Variants in NALCN observed in about 807,000 individuals in gnomAD.
NALCN encodes the protein sodium leak channel, non-selective.
NALCN carries 111 observed loss-of-function variants against 225.3 expected under a neutral mutation model. The ratio of observed to expected loss-of-function variants is 0.49; its 90% CI spans 0.42 to 0.58. The LOEUF is 0.58. Ranked by LOEUF, NALCN falls within the 20% of genes least tolerant of loss-of-function variation. The pLI, the probability that NALCN is intolerant of heterozygous loss-of-function variation, is 0.00. For synonymous variants in NALCN, 764 were observed against 769.0 expected, an observed-to-expected ratio of 0.99 and a Z score of 0.11; for missense variants, 1,378 against 2,202.4, an observed-to-expected ratio of 0.63 and a Z score of 7.49.
At chr13:101,126,401 T>C (rs1013722854) in intron 17 of NALCN, among the ~76,000 whole-genome samples, 65 of 152,194 alleles carry the variant, frequency 4.3e-4, no homozygotes, top group African/African-American at 1.4e-3. Flanking sequence ...TATTTGGAAC[T>C]TCCATTTTCT....
Position 101,386,888 on chromosome 13 carries a change from T to C in NALCN, c.292-8235A>G, listed in dbSNP as rs2047002302. ...GTTTGCTTCTATAAATATTTTCTTA[T>C]GGACTAACATACTTTTATGCATGGA... On this transcript the variant is annotated intron_variant, in intron 3 of 43. Transcript: ENST00000251127. Among the ~76,000 whole-genome samples, 4 of 152,264 alleles carry C rather than the reference T, an allele frequency of 2.6e-5. No individual in the cohort carries two copies. The Middle Eastern group carries it at 0.01, about 388-fold the overall frequency.
At chr13:101,206,094 C>T (rs2040302019) in intron 13 of NALCN, among the ~76,000 whole-genome samples, 2 of 152,062 alleles carry the variant, frequency 1.3e-5, no homozygotes, top group African/African-American at 4.8e-5. Context: ...CTTCTCTTTA[C>T]AAATGTGGAA....
At chr13:101,125,916 A>C (rs2036205432) in intron 17 of NALCN, among the ~76,000 whole-genome samples, 2 of 152,216 alleles carry the variant, frequency 1.3e-5, no homozygotes, top group South Asian at 4.1e-4. Context: ...CCTACAGGGC[A>C]TACTGTGTGT....
At chr13:101,112,644 G>C (rs1185634853) in intron 18 of NALCN, among the ~76,000 whole-genome samples, 1 of 152,174 alleles carries the variant, frequency 6.6e-6, no homozygotes. Context: ...AAAATGCAAT[G>C]ATTTTATGAT....
chr13:101,156,337 G>A (rs976632981), intron 15 of NALCN, among the ~76,000 whole-genome samples: 3 of 151,992 alleles, frequency 2.0e-5, no homozygotes, highest in African/African-American at 7.3e-5. Context: ...ATGTTATTTA[G>A]GGACCAAAAT....
At chr13:101,214,480 GT>G (rs1405367446) in intron 13 of NALCN, among the ~76,000 whole-genome samples, 12 of 151,090 alleles carry the variant, frequency 7.9e-5, no homozygotes, top group Admixed American at 5.9e-4. Context: ...AGTCCATGGA[GT>G]ACTGTTTCTT....
intron 18 of NALCN, among the ~76,000 whole-genome samples, chr13:101,111,702 G>C (rs76039602): frequency 1.3e-5 from 2 of 152,182 alleles, no homozygotes; most frequent in African/African-American, 4.8e-5. Context: ...CATAAGATCT[G>C]ATGGTTTTAA....
In NALCN at chr13:101,395,174, A is replaced by G. The variant is rs1010024108; in HGVS notation, c.291+9T>C. ...AGGTTCTTAGTTTAAATGACATGGA[A>G]GTGCTCACCTTGACAATGCCCCGGA... On this transcript the variant is annotated intron_variant, in intron 3 of 43. Transcript: ENST00000251127. The G allele has an allele frequency of 2.5e-6, 4 of 1,609,034 alleles. No individual in the cohort carries two copies. In the Admixed American group the frequency reaches 6.7e-5, roughly 27 times the overall value.
intron 15 of NALCN, among the ~76,000 whole-genome samples, chr13:101,145,222 C>A (rs1184063357): frequency 6.6e-6 from 1 of 152,094 alleles, no homozygotes; most frequent in Non-Finnish European, 1.5e-5. Flanking sequence ...CTATTACTTG[C>A]ATATTTAAAC....
chr13:101,121,621 A>T (rs2035976845), intron 18 of NALCN, among the ~76,000 whole-genome samples: 1 of 152,228 alleles, frequency 6.6e-6, no homozygotes. Context: ...AGAGGAATAG[A>T]ACACTAAAAC....
At chr13:101,058,824 G>A (rs1468625951) in intron 42 of NALCN, 1 of 152,222 alleles carries the variant, frequency 6.6e-6, no homozygotes, top group African/African-American at 2.4e-5. Flanking sequence ...CCATCTTCAG[G>A]GTGACCAGTG....
chr13:101,363,871 CAAAT>C (rs2046314766), intron 6 of NALCN, among the ~76,000 whole-genome samples: 1 of 151,922 alleles, frequency 6.6e-6, no homozygotes, highest in African/African-American at 2.4e-5. Flanking sequence ...ATAAAGAACT[CAAAT>C]AACTCAATGG....
At chr13:101,353,275 T>G (rs1566607743) in intron 6 of NALCN, among the ~76,000 whole-genome samples, 1 of 152,198 alleles carries the variant, frequency 6.6e-6, no homozygotes, top group Non-Finnish European at 1.5e-5. Flanking sequence ...CAAGACACAT[T>G]ATCTTGCTAA....
chr13:101,147,582 T>C (rs1415022138), intron 15 of NALCN, among the ~76,000 whole-genome samples: 2 of 152,194 alleles, frequency 1.3e-5, no homozygotes, highest in Non-Finnish European at 2.9e-5. Context: ...ACTTTTCTTT[T>C]TTAAAGATAT....
At chr13:101,277,738 G>A (rs1198001896) in intron 10 of NALCN, among the ~76,000 whole-genome samples, 1 of 151,874 alleles carries the variant, frequency 6.6e-6, no homozygotes, top group Non-Finnish European at 1.5e-5. Flanking sequence ...ATTTCCACAC[G>A]ATAGAGTCAC....
chr13:101,330,345 C>T (rs1262984749), intron 7 of NALCN, among the ~76,000 whole-genome samples: 1 of 152,102 alleles, frequency 6.6e-6, no homozygotes, highest in African/African-American at 2.4e-5. Context: ...CAATATAAAT[C>T]TTCAGGGCTT....
chr13:101,077,046 A>T (rs969127185), intron 34 of NALCN, among the ~76,000 whole-genome samples: 1 of 151,422 alleles, frequency 6.6e-6, no homozygotes, highest in African/African-American at 2.4e-5. Context: ...AAGTCTCACC[A>T]GGTCTGATAG....
At chr13:101,287,094 C>G (rs2043367486) in intron 9 of NALCN, among the ~76,000 whole-genome samples, 1 of 152,112 alleles carries the variant, frequency 6.6e-6, no homozygotes, top group African/African-American at 2.4e-5. Context: ...CATAAACATC[C>G]TCAAACATAT....
intron 7 of NALCN, among the ~76,000 whole-genome samples, chr13:101,293,473 T>C (rs1380660078): frequency 6.6e-6 from 1 of 152,230 alleles, no homozygotes; most frequent in East Asian, 1.9e-4. Flanking sequence ...ATAAAACTGG[T>C]AAACATTTGT....
Sources: allele counts gnomAD v4.1 joint callset (sites outside exome capture counted in the v4.1 genomes callset), GRCh38; gene constraint gnomAD v4.1.1; transcripts MANE v1.5; gene names NCBI Gene and HGNC (gene_info 2026-07-23, HGNC 2026-07-21).